The following SLC6A9 variants were observed in gnomAD, a reference collection of about 807,000 sequenced individuals.
The protein encoded by SLC6A9 is solute carrier family 6 member 9, also known as sodium- and chloride-dependent glycine transporter 1.
A neutral mutation model predicts 70.9 loss-of-function variants in SLC6A9; 31 were observed. The observed-to-expected ratio is 0.44, with a 90% CI of 0.33 to 0.59. The LOEUF (loss-of-function observed/expected upper bound fraction) is 0.59. SLC6A9 is among the 20% of genes least tolerant of loss of function. The pLI, the probability that SLC6A9 is intolerant of heterozygous loss-of-function variation, is 0.04. For synonymous variants in SLC6A9, 310 were observed against 341.3 expected (o/e 0.91, Z 1.01); for missense variants, 631 against 845.2 (o/e 0.75, Z 3.14).
In SLC6A9 at chr1:44,001,075, T is replaced by A; in HGVS notation, c.1336-20A>T. 6.2e-7 allele frequency: 1 copy of A among 1,600,498 alleles called. No individual in the cohort carries two copies. The highest frequency in any genetic ancestry group is 1.7e-5 in the Admixed American group (1 of 59,168). ...GCCTGCCTGGGGAACAGCGGGCAGC[T>A]GTGGGAGGCGCCTGCAGCCCGGGCT... On this transcript the variant is annotated intron_variant, in intron 10 of 13. Transcript: ENST00000372310.
At position 44,010,832 on chromosome 1, in the gene SLC6A9, C is replaced by A; in HGVS notation, c.81G>T (p.Arg27=). 6.2e-7 allele frequency: 1 copy of A among 1,614,222 alleles called. No individual in the cohort carries two copies. Among genetic ancestry groups the A allele is most frequent in the Non-Finnish European group, 8.5e-7 (1 of 1,180,026 alleles). Residue 27 remains arginine, a synonymous_variant, in exon 3 of 14, where the codon CGG becomes CGT. Transcript: ENST00000372310. The part of the protein sequence containing the change: ...EATKRDQNLK[R]GNWGNQIEFV... ...ACTCGATCTGGTTGCCCCAGTTGCCCCGTTTGAGGTTCTGGTCCCTCTTGG... is the reference window on the plus strand; with the variant it reads ...ACTCGATCTGGTTGCCCCAGTTGCCACGTTTGAGGTTCTGGTCCCTCTTGG...
chr1:43,997,434 G>C lies in SLC6A9; in HGVS notation c.*111C>G. 1 of 928,448 alleles carries C rather than the reference G, an allele frequency of 1.1e-6. No individual in the cohort carries two copies. Among genetic ancestry groups the C allele is most frequent in the Non-Finnish European group, 1.7e-6 (1 of 583,740 alleles). 57.5% of individuals were successfully genotyped at this position (928,448 alleles called of 1,614,324 possible). A position where few individuals can be genotyped will look rare whatever the true frequency, so the allele number is the denominator to read the frequency against. ...AGTGGTGACCAAGGTGACAGCAGCC[G>C]TCCTGGCCAGGGCGTGGCAGGGGGC... On this transcript the variant is annotated 3_prime_UTR_variant, in exon 14 of 14. Transcript: ENST00000372310. This position sits in a 1 kb window ranked among gnomAD's most constrained non-coding sequence, Gnocchi z 4.4.
chr1:43,997,256 C>T lies in SLC6A9; in HGVS notation c.*289G>A, dbSNP rs201629009. 14 of 450,458 alleles carry T rather than the reference C, an allele frequency of 3.1e-5. No individual in the cohort carries two copies. Among genetic ancestry groups the T allele is most frequent in the Non-Finnish European group, 2.8e-5 (7 of 251,100 alleles). The allele number at this position is 450,458 out of a possible 1,614,324, so 27.9% of individuals were successfully genotyped here. On this transcript the variant is annotated 3_prime_UTR_variant, in exon 14 of 14. Coordinates refer to ENST00000372310, the MANE Select transcript of SLC6A9 (RefSeq NM_001024845.3). The surrounding 1 kb of genome is among the most constrained non-coding windows in gnomAD (Gnocchi z 4.4). ...TAAGGGTATCGGAGGCCACGTAAAG[C>T]CATCCAGGCTGCTGGGGACCTGGCC...
At position 44,006,181 on chromosome 1, in the gene SLC6A9, G is replaced by A. The variant is rs1053701125; in HGVS notation, c.590+2172C>T. ...CATCATGCCTCAAATGTAATAAAAC[G>A]CCTCACTCAGCAATATCTGCTCGTT... On this transcript the variant is annotated intron_variant, in intron 5 of 13. Coordinates refer to ENST00000372310, the MANE Select transcript of SLC6A9 (RefSeq NM_001024845.3). 2.0e-5 allele frequency among the ~76,000 whole-genome samples: 3 copies of A among 152,252 alleles called. 1 individual carries two copies. The highest frequency in any genetic ancestry group is 4.2e-4 in the South Asian group (2 of 4,816).
rs1424869440 is a variant in SLC6A9, at chr1:44,011,594, T to G, written c.31-712A>C. 1.9e-6 allele frequency: 3 copies of G among 1,612,954 alleles called. No individual in the cohort carries two copies. In the East Asian group the frequency reaches 6.7e-5, roughly 36 times the overall value. ...TGGCTAGGGAGTGCTGGGCCATGAG[T>G]TGGGGAAGGAGACCAGAGTTGTAGG... On this transcript the variant is annotated intron_variant, in intron 2 of 13. Coordinates refer to ENST00000372310, the MANE Select transcript of SLC6A9 (RefSeq NM_001024845.3).
Position 44,001,478 on chromosome 1 carries a change from T to G in SLC6A9, c.1112A>C (p.Tyr371Ser). 6.2e-7 allele frequency: 1 copy of G among 1,614,008 alleles called. No homozygotes were observed. Among genetic ancestry groups the G allele is most frequent in the Non-Finnish European group, 8.5e-7 (1 of 1,180,004 alleles). ...DHGPGLAFVA[Y>S]PEALTLLPIS... ...GGGAAGTAGTGTGAGGGCCTCGGGG[T>G]AAGCCACGAAGGCCAGGCCAGGGCC... Residue 371 changes from tyrosine to serine, a missense_variant, in exon 9 of 14, where the codon TAC becomes TCC. Transcript: ENST00000372310.
At chr1:44,000,888 C>G (rs1200978410) in intron 11 of SLC6A9, 21 bp from the exon 12 acceptor site, 1 of 1,597,684 alleles carries the variant, frequency 6.3e-7, no homozygotes, top group Non-Finnish European at 8.5e-7. Context: ...GGGGGGTCAG[C>G]AGACCCGCAG....
chr1:44,026,657 TAA>T (rs1299068646), intron 1 of SLC6A9, among the ~76,000 whole-genome samples: 6 of 130,786 alleles, frequency 4.6e-5, no homozygotes, highest in Admixed American at 7.7e-5. Context: ...AGACATTGTC[TAA>T]AAAAAAAAAA....
rs913529936 is a variant in SLC6A9 at position 44,002,027 on chromosome 1, G to T, written c.962+286C>A. On this transcript the variant is annotated intron_variant, in intron 8 of 13. Coordinates refer to ENST00000372310, the MANE Select transcript of SLC6A9 (RefSeq NM_001024845.3). This position sits in a 1 kb window ranked among gnomAD's most constrained non-coding sequence, Gnocchi z 5.5. ...CTGGGATTACGGCGTGAAGCACTGA[G>T]CCTGGCCCCCAACTCCTTTTCTGGT... Among the ~76,000 whole-genome samples the T allele has an allele frequency of 6.6e-6, 1 of 152,112 alleles. No homozygotes were observed. Among genetic ancestry groups the T allele is most frequent in the East Asian group, 1.9e-4 (1 of 5,178 alleles).
Position 44,000,767 on chromosome 1 carries a change from G to T in SLC6A9, c.1536C>A (p.Phe512Leu), listed in dbSNP as rs768762066. 6.3e-7 allele frequency: 1 copy of T among 1,597,330 alleles called. No individual in the cohort carries two copies. Among genetic ancestry groups the T allele is most frequent in the East Asian group, 2.2e-5 (1 of 44,754 alleles). Residue 512 changes from phenylalanine to leucine, a missense_variant and splice_region_variant, in exon 12 of 14, where the codon TTC (phenylalanine) becomes TTA (leucine). Physicochemically the swap from Phe to Leu is conservative, Grantham distance 22 (BLOSUM62 0). Coordinates refer to ENST00000372310, the MANE Select transcript of SLC6A9 (RefSeq NM_001024845.3). The stretch of plus-strand genomic sequence containing the variant: ...GGGAGGGGCCGGCCAGGGAACTCAC[G>T]AAGATGATGGCGGGAGAGACGAAGC... ...CWRFVSPAII[F>L]FILVFTVIQY... is the part of the protein sequence containing the mutation.
intron 2 of SLC6A9, among the ~76,000 whole-genome samples, chr1:44,022,944 G>C (rs1281567226): frequency 6.6e-6 from 1 of 152,014 alleles, no homozygotes; most frequent in Non-Finnish European, 1.5e-5. Context: ...GATCTCAAGT[G>C]ATCTGCCCTC....
At chr1:44,014,434 C>T (rs111880781) in intron 2 of SLC6A9, among the ~76,000 whole-genome samples, 1,905 of 151,964 alleles carry the variant, frequency 0.013, 45 homozygotes, top group African/African-American at 0.044. Context: ...GTGGGGTGAG[C>T]TGGCTGACAC....
Position 44,001,054 on chromosome 1 carries a change from G to A in SLC6A9, c.1337C>T (p.Ala446Val). The A allele has an allele frequency of 1.3e-6, 2 of 1,589,744 alleles. No homozygotes were observed. Among genetic ancestry groups the A allele is most frequent in the Non-Finnish European group, 1.7e-6 (2 of 1,166,412 alleles). Residue 446 changes from alanine (A) to valine (V), a missense_variant and splice_region_variant, in exon 11 of 14, where the codon GCA becomes GTA. Transcript: ENST00000372310. ...CATCAGCAGCAGCCAATAGATGCCTGCCTGGGGAACAGCGGGCAGCTGTGG... is the reference window on the plus strand; with the variant it reads ...CATCAGCAGCAGCCAATAGATGCCTACCTGGGGAACAGCGGGCAGCTGTGG... ...FLLGIPLTSQ[A>V]GIYWLLLMDN...
chr1:43,998,341 G>GAAGT, intron 12 of SLC6A9, among the ~76,000 whole-genome samples: 1 of 152,332 alleles, frequency 6.6e-6, no homozygotes, highest in South Asian at 2.1e-4. Context: ...ATGGCTAACT[G>GAAGT]AAGTAAGGCC....
chr1:44,026,826 A>G (rs2086991370), intron 1 of SLC6A9, among the ~76,000 whole-genome samples: 1 of 152,222 alleles, frequency 6.6e-6, no homozygotes, highest in Non-Finnish European at 1.5e-5. Context: ...CATCAGAGAG[A>G]CAGACTCGGA....
At chr1:44,005,244 G>C (rs901115841) in intron 5 of SLC6A9, among the ~76,000 whole-genome samples, 1 of 152,134 alleles carries the variant, frequency 6.6e-6, no homozygotes, top group Non-Finnish European at 1.5e-5. Flanking sequence ...GCCTGGTCAC[G>C]AGTTTAGGAC....
chr1:44,001,385 C>G lies in SLC6A9; in HGVS notation c.1200+5G>C, dbSNP rs748426005. ...AGCCTCCGGTCCACGTCCTGCACCT[C>G]GTACCTGAGTGCCCAGCCCCAGCAG... is the stretch of plus-strand genomic sequence containing the variant. On this transcript the variant is annotated splice_donor_5th_base_variant and intron_variant, in intron 9 of 13. Coordinates refer to ENST00000372310, the MANE Select transcript of SLC6A9 (RefSeq NM_001024845.3). 1 of 1,612,084 alleles carries G rather than the reference C, an allele frequency of 6.2e-7. No homozygotes were observed. Among genetic ancestry groups the G allele is most frequent in the African/African-American group, 1.3e-5 (1 of 74,874 alleles).
chr1:44,008,972 G>A (rs1486510596), intron 4 of SLC6A9, among the ~76,000 whole-genome samples: 15 of 150,020 alleles, frequency 1.0e-4, no homozygotes, highest in African/African-American at 3.7e-4. Context: ...CGCCTGCCTC[G>A]GCCTCCCGAA....
At chr1:44,020,094 T>TGG (rs1222550710) in intron 2 of SLC6A9, among the ~76,000 whole-genome samples, 1 of 152,184 alleles carries the variant, frequency 6.6e-6, no homozygotes, top group African/African-American at 2.4e-5. Context: ...GGTCATTGCT[T>TGG]AGGCTGTCCT....
Sources: allele counts gnomAD v4.1 joint callset (sites outside exome capture counted in the v4.1 genomes callset), GRCh38; gene constraint gnomAD v4.1.1; non-coding constraint Gnocchi (gnomAD v3.1); transcripts MANE v1.5; gene names NCBI Gene and HGNC (gene_info 2026-07-23, HGNC 2026-07-21).